The following EGFLAM variants were observed in gnomAD, a reference collection of about 807,000 sequenced individuals.
EGFLAM encodes the protein pikachurin.
Under a neutral mutation model 113.1 loss-of-function variants are expected in EGFLAM, and 79 were observed. The ratio of observed to expected loss-of-function variants is 0.70; its 90% CI spans 0.58 to 0.84. EGFLAM has a LOEUF of 0.84. Among genes scored for constraint, EGFLAM ranks in the 40% least tolerant of loss-of-function variants. EGFLAM has a pLI of 0.00. For synonymous variants in EGFLAM, 504 were observed against 487.6 expected (o/e 1.03, Z -0.44); for missense variants, 1,265 against 1,291.6 (o/e 0.98, Z 0.32).
chr5:38,383,699 A>G (rs949551893), intron 6 of EGFLAM, among the ~76,000 whole-genome samples: 6 of 152,198 alleles, frequency 3.9e-5, no homozygotes, highest in Non-Finnish European at 7.3e-5. Flanking sequence ...TAATATCATC[A>G]GTAATGATAA....
intron 1 of EGFLAM, among the ~76,000 whole-genome samples, chr5:38,291,840 G>A (rs1186531083): frequency 2.6e-5 from 4 of 152,314 alleles, no homozygotes; most frequent in African/African-American, 7.2e-5. Context: ...AAATGGCATG[G>A]ACCGAAGAGG....
chr5:38,419,013 G>C (rs1472627258), intron 12 of EGFLAM, among the ~76,000 whole-genome samples: 1 of 152,162 alleles, frequency 6.6e-6, no homozygotes, highest in Non-Finnish European at 1.5e-5. Context: ...CCCAGATCAA[G>C]GTGCCAGCCA....
At position 38,358,461 on chromosome 5, in the gene EGFLAM, A is replaced by T. The variant is rs865778753; in HGVS notation, c.545+6130A>T. Among the ~76,000 whole-genome samples, 1,425 of 151,432 alleles carry T rather than the reference A, an allele frequency of 9.4e-3. 27 individuals carry two copies. Among genetic ancestry groups the T allele is most frequent in the African/African-American group, 0.033 (1,362 of 41,164 alleles). ...GACTCCGTCTCAAAAAAAAAAAAAA[A>T]AAAAAAAGATTAACCTGAAAAATTG... On this transcript the variant is annotated intron_variant, in intron 5 of 21. Coordinates refer to ENST00000322350, the MANE Select transcript of EGFLAM (RefSeq NM_152403.4).
intron 3 of EGFLAM, among the ~76,000 whole-genome samples, chr5:38,344,736 G>T (rs546807769): frequency 1.3e-5 from 2 of 152,088 alleles, no homozygotes; most frequent in African/African-American, 4.8e-5. Flanking sequence ...CCAACCCCTT[G>T]TGTCCTCCTG....
At chr5:38,385,226 C>T (rs761634811) in intron 6 of EGFLAM, among the ~76,000 whole-genome samples, 13 of 151,004 alleles carry the variant, frequency 8.6e-5, no homozygotes, top group Non-Finnish European at 1.6e-4. Context: ...CAAACATAAA[C>T]AGTCATTTCT....
rs548239019 is a variant in EGFLAM, at chr5:38,288,654, A to G, written c.97+29803A>G. 2.0e-5 allele frequency among the ~76,000 whole-genome samples: 3 copies of G among 152,364 alleles called. No homozygotes were observed. The South Asian group carries it at 6.2e-4, about 32-fold the overall frequency. Reference sequence around the variant, plus strand: ...TGGAGAGAAGTGGTATTGTTCAGTTACATAATGAAGCTTAGGACAGACTAA... The same window carrying G: ...TGGAGAGAAGTGGTATTGTTCAGTTGCATAATGAAGCTTAGGACAGACTAA... On this transcript the variant is annotated intron_variant, in intron 1 of 21. Coordinates refer to ENST00000322350, the MANE Select transcript of EGFLAM (RefSeq NM_152403.4).
intron 1 of EGFLAM, among the ~76,000 whole-genome samples, chr5:38,292,611 T>C (rs2111798337): frequency 2.0e-5 from 3 of 152,320 alleles, no homozygotes; most frequent in Middle Eastern, 6.8e-3. Context: ...CTATTCCAGG[T>C]ATACTAAAGG....
At chr5:38,315,277 T>C (rs1738562484) in intron 1 of EGFLAM, among the ~76,000 whole-genome samples, 1 of 152,238 alleles carries the variant, frequency 6.6e-6, no homozygotes, top group African/African-American at 2.4e-5. Flanking sequence ...GGTTCCCCTC[T>C]TCTCTACTCC....
chr5:38,335,542 C>G (rs1431538928), intron 1 of EGFLAM, among the ~76,000 whole-genome samples: 1 of 152,180 alleles, frequency 6.6e-6, no homozygotes, highest in African/African-American at 2.4e-5. Flanking sequence ...CTGATCCTTC[C>G]TCTACTGCCT....
chr5:38,356,999 T>TA (rs1739779313), intron 5 of EGFLAM, among the ~76,000 whole-genome samples: 1 of 152,110 alleles, frequency 6.6e-6, no homozygotes, highest in Non-Finnish European at 1.5e-5. Context: ...AGTGCCATTA[T>TA]AAAAAAAGCC....
chr5:38,412,128 G>C (rs1741500637), intron 10 of EGFLAM, among the ~76,000 whole-genome samples: 1 of 152,140 alleles, frequency 6.6e-6, no homozygotes, highest in Non-Finnish European at 1.5e-5. Context: ...TAAATACAGG[G>C]GGTACATGTG....
intron 6 of EGFLAM, among the ~76,000 whole-genome samples, chr5:38,383,135 A>G (rs879590386): frequency 3.3e-5 from 5 of 152,212 alleles, no homozygotes; most frequent in African/African-American, 7.2e-5. Context: ...GGCACCTTCT[A>G]TGGTTCAAAG....
At chr5:38,376,270 T>C (rs1286156200) in intron 6 of EGFLAM, among the ~76,000 whole-genome samples, 5 of 152,278 alleles carry the variant, frequency 3.3e-5, no homozygotes, top group East Asian at 1.9e-4. Context: ...TGGTAAATAA[T>C]AGAAATGGCA....
intron 13 of EGFLAM, among the ~76,000 whole-genome samples, chr5:38,426,112 A>AG (rs1157770546): frequency 6.6e-6 from 1 of 151,972 alleles, no homozygotes; most frequent in Admixed American, 6.6e-5. Context: ...TGGGAAAAAA[A>AG]AAAAAGATAG....
At chr5:38,447,939 TAGG>T (rs574248284) in intron 17 of EGFLAM, among the ~76,000 whole-genome samples, 135 of 152,288 alleles carry the variant, frequency 8.9e-4, no homozygotes, top group Non-Finnish European at 1.6e-3. Flanking sequence ...TCTGCCTCCC[TAGG>T]AGAACATCTG....
intron 18 of EGFLAM, among the ~76,000 whole-genome samples, chr5:38,449,656 A>ATGTG (rs923618461): frequency 6.6e-6 from 1 of 151,162 alleles, no homozygotes; most frequent in Non-Finnish European, 1.5e-5. Flanking sequence ...GTGTGTGTGT[A>ATGTG]TGTGTGTGTG....
chr5:38,369,523 A>G (rs1008602499), intron 5 of EGFLAM, among the ~76,000 whole-genome samples: 2 of 152,236 alleles, frequency 1.3e-5, no homozygotes, highest in Non-Finnish European at 2.9e-5. Context: ...ATTTGATGCC[A>G]GGTACTAGGC....
At chr5:38,343,170 G>A (rs536059019) in intron 3 of EGFLAM, among the ~76,000 whole-genome samples, 1 of 152,222 alleles carries the variant, frequency 6.6e-6, no homozygotes, top group East Asian at 1.9e-4. Context: ...TTGGGAGGCT[G>A]AGGCGGGTGG....
intron 6 of EGFLAM, among the ~76,000 whole-genome samples, chr5:38,381,296 A>G (rs770969768): frequency 2.0e-5 from 3 of 152,020 alleles, no homozygotes; most frequent in Non-Finnish European, 4.4e-5. Context: ...CAGTTCTTTG[A>G]TGGGAGTAGG....
Sources: allele counts gnomAD v4.1 joint callset (sites outside exome capture counted in the v4.1 genomes callset), GRCh38; gene constraint gnomAD v4.1.1; transcripts MANE v1.5; gene names NCBI Gene and HGNC (gene_info 2026-07-23, HGNC 2026-07-21).